The following CCDC102B variants were observed in gnomAD, a reference collection of about 807,000 sequenced individuals.
CCDC102B encodes the protein coiled-coil domain containing 102B.
In CCDC102B, 75 loss-of-function variants were observed where a neutral mutation model predicts 57.4. The ratio of observed to expected loss-of-function variants is 1.31; its 90% CI spans 1.08 to 1.58. The LOEUF is 1.58. CCDC102B is among the 40% of genes most tolerant of loss of function. CCDC102B has a pLI of 0.00. For missense variants in CCDC102B, 636 were observed against 582.6 expected (o/e 1.09, Z -0.94); for synonymous variants, 206 against 201.9 (o/e 1.02, Z -0.17).
At chr18:68,776,707 G>T (rs2144625108) in intron 2 of CCDC102B, among the ~76,000 whole-genome samples, 1 of 152,036 alleles carries the variant, frequency 6.6e-6, no homozygotes, top group African/African-American at 2.4e-5. Context: ...AATAACTAAT[G>T]GGTAATAGGC....
intron 6 of CCDC102B, among the ~76,000 whole-genome samples, chr18:68,936,758 TATATAC>T (rs149707640): frequency 1.2e-5 from 1 of 84,458 alleles, no homozygotes; most frequent in Non-Finnish European, 3.5e-5. Flanking sequence ...TATATATATA[TATATAC>T]ACACATACAT....
intron 2 of CCDC102B, among the ~76,000 whole-genome samples, chr18:68,788,958 C>T (rs1288510350): frequency 2.0e-4 from 31 of 152,264 alleles, no homozygotes; most frequent in African/African-American, 7.0e-4. Flanking sequence ...GATTTTGCAG[C>T]GGCTGGTACT....
Position 68,836,968 on chromosome 18 carries a change from AT to A in CCDC102B, c.208del (p.Cys70ValfsTer56). 1.2e-6 allele frequency: 2 copies of A among 1,614,164 alleles called. No individual in the cohort carries two copies. The highest frequency in any genetic ancestry group is 2.2e-5 in the East Asian group (1 of 44,872). On this transcript the variant is annotated frameshift_variant, in exon 2 of 8. Transcript: ENST00000360242. LOFTEE classifies it high-confidence loss of function. The part of the protein sequence containing the change: ...AHSYNTNKWD[I>X]CEELRLRELE... ...CTCATATAACACCAACAAATGGGAT[AT>A]TTGTGAAGAACTTCGCCTGCGGGAG... is the stretch of plus-strand genomic sequence containing the variant.
At position 69,011,002 on chromosome 18, in the gene CCDC102B, G is replaced by A; in HGVS notation, c.1332G>A (p.Leu444=). The stretch of plus-strand genomic sequence containing the variant: ...AATACCAGGCAAATATTGCAGAACT[G>A]ACTCATGCAAACAACCGAGTGGATC... ...NRQYQANIAE[L]THANNRVDQN... is the part of the protein sequence containing the mutation. The change falls in exon 7 of 8, where the codon CTG becomes CTA. Residue 444 remains leucine, a synonymous_variant. Transcript: ENST00000360242. The A allele has an allele frequency of 1.2e-6, 2 of 1,613,702 alleles. No individual in the cohort carries two copies. The highest frequency in any genetic ancestry group is 1.1e-5 in the South Asian group (1 of 91,012).
intron 6 of CCDC102B, among the ~76,000 whole-genome samples, chr18:68,985,572 C>A (rs1274578253): frequency 6.6e-6 from 1 of 152,084 alleles, no homozygotes; most frequent in Non-Finnish European, 1.5e-5. Flanking sequence ...CAGTGTGAAC[C>A]AGGGTTGCCA....
Position 68,863,094 on chromosome 18 carries a change from C to A in CCDC102B, c.937-11575C>A, listed in dbSNP as rs552501606. ...CAAATTTTCAATTTACTAAGAAATA[C>A]GATTTTAAAATCATTTACTTTATTT... On this transcript the variant is annotated intron_variant, in intron 4 of 7. Transcript: ENST00000360242. 7.9e-5 allele frequency among the ~76,000 whole-genome samples: 12 copies of A among 151,416 alleles called. No homozygotes were observed. The East Asian group carries it at 2.3e-3, about 29-fold the overall frequency.
intron 1 of CCDC102B, among the ~76,000 whole-genome samples, chr18:68,807,877 AGAT>A (rs1193972422): frequency 4.6e-5 from 7 of 152,170 alleles, no homozygotes; most frequent in Non-Finnish European, 8.8e-5. Flanking sequence ...TTAAAAAAAA[AGAT>A]GATTGCAGAG....
chr18:69,000,087 G>C (rs1394954622), intron 6 of CCDC102B, among the ~76,000 whole-genome samples: 1 of 152,036 alleles, frequency 6.6e-6, no homozygotes, highest in Non-Finnish European at 1.5e-5. Flanking sequence ...TTCTTTCTAA[G>C]TCCCTCCAAA....
chr18:68,862,145 A>G (rs2038789299), intron 4 of CCDC102B, among the ~76,000 whole-genome samples: 1 of 152,234 alleles, frequency 6.6e-6, no homozygotes, highest in Non-Finnish European at 1.5e-5. Flanking sequence ...ACTTCTTGAT[A>G]AAATACAAAT....
chr18:68,832,403 T>A (rs944965487), intron 1 of CCDC102B, among the ~76,000 whole-genome samples: 6 of 152,218 alleles, frequency 3.9e-5, no homozygotes, highest in African/African-American at 1.4e-4. Context: ...TTTATGATTG[T>A]TAGCAACATT....
intron 1 of CCDC102B, among the ~76,000 whole-genome samples, chr18:68,808,009 C>CT (rs887694158): frequency 4.6e-5 from 7 of 152,094 alleles, no homozygotes; most frequent in Admixed American, 2.6e-4. Flanking sequence ...CAAAAGCTAA[C>CT]TTTTTTTTCT....
intron 4 of CCDC102B, among the ~76,000 whole-genome samples, chr18:68,856,018 A>G (rs187054627): frequency 9.2e-4 from 140 of 152,282 alleles, no homozygotes; most frequent in African/African-American, 3.3e-3. Flanking sequence ...TGAGAAAAAA[A>G]TACATTTTAA....
chr18:68,753,422 CA>C (rs2033936788), intron 2 of CCDC102B: 2 of 152,076 alleles, frequency 1.3e-5, no homozygotes, highest in Non-Finnish European at 2.9e-5. Context: ...ATGAGTGATA[CA>C]AATTAGTTAA....
At chr18:69,038,323 A>G (rs2052347898) in intron 7 of CCDC102B, among the ~76,000 whole-genome samples, 1 of 135,600 alleles carries the variant, frequency 7.4e-6, no homozygotes, top group Admixed American at 8.0e-5. Context: ...CTTTTTCATG[A>G]TCATAATGGA....
chr18:69,013,757 T>G (rs192452861), intron 7 of CCDC102B, among the ~76,000 whole-genome samples: 3 of 152,296 alleles, frequency 2.0e-5, no homozygotes, highest in South Asian at 4.1e-4. Flanking sequence ...CAGAAAAGAA[T>G]TATCAAGTTT....
At chr18:68,963,914 G>A (rs2050108031) in intron 6 of CCDC102B, among the ~76,000 whole-genome samples, 2 of 151,876 alleles carry the variant, frequency 1.3e-5, no homozygotes, top group South Asian at 4.1e-4. Flanking sequence ...GAGAGAATAT[G>A]TTTGTATATA....
chr18:69,022,702 TTCTG>T (rs763343950), intron 7 of CCDC102B, among the ~76,000 whole-genome samples: 8 of 152,264 alleles, frequency 5.3e-5, no homozygotes, highest in South Asian at 2.1e-4. Context: ...TCCCATGACC[TTCTG>T]TCTAAGTGCA....
At chr18:69,034,080 T>C (rs1306993079) in intron 7 of CCDC102B, among the ~76,000 whole-genome samples, 1 of 152,006 alleles carries the variant, frequency 6.6e-6, no homozygotes, top group East Asian at 1.9e-4. Context: ...TTTTAATTAC[T>C]ATTATTTTGG....
At chr18:68,742,237 T>C (rs565499027) in intron 2 of CCDC102B, among the ~76,000 whole-genome samples, 2 of 152,192 alleles carry the variant, frequency 1.3e-5, no homozygotes, top group Non-Finnish European at 2.9e-5. Context: ...TCTTGGCTCA[T>C]AGAAGCATCA....
Sources: allele counts gnomAD v4.1 joint callset (sites outside exome capture counted in the v4.1 genomes callset), GRCh38; gene constraint gnomAD v4.1.1; transcripts MANE v1.5; gene names NCBI Gene and HGNC (gene_info 2026-07-23, HGNC 2026-07-21).